Variants in SS18 observed in about 807,000 individuals in gnomAD.
SS18 encodes the protein protein SSXT.
In SS18, 28 loss-of-function variants were observed where a neutral mutation model predicts 72.5. The observed-to-expected ratio is 0.39, with a 90% CI of 0.29 to 0.53. The LOEUF (loss-of-function observed/expected upper bound fraction) is 0.53, where lower values mean the gene tolerates loss of function less well. Among genes scored for constraint, SS18 ranks in the 20% least tolerant of loss-of-function variants. The probability of loss-of-function intolerance (pLI) is 0.76; values close to 1 mark genes in which losing one functional copy is unlikely to be tolerated. For synonymous variants in SS18, 172 were observed against 164.2 expected, an observed-to-expected ratio of 1.05 and a Z score of -0.37; for missense variants, 518 against 535.3, an observed-to-expected ratio of 0.97 and a Z score of 0.32.
rs58620052 is a variant in SS18, at chr18:26,049,263, C to T, written c.607+3361G>A. Reference sequence around the variant, plus strand: ...TCTACACAATTTGCCTTTTCATACACTGAATGTACTTGTTGATTAAATAAA... The same window carrying T: ...TCTACACAATTTGCCTTTTCATACATTGAATGTACTTGTTGATTAAATAAA... On this transcript the variant is annotated intron_variant, in intron 5 of 10. Coordinates refer to ENST00000415083, the MANE Select transcript of SS18 (RefSeq NM_001007559.3). 5.6e-3 allele frequency among the ~76,000 whole-genome samples: 815 copies of T among 145,144 alleles called. 7 individuals carry two copies. The highest frequency in any genetic ancestry group is 0.022 in the African/African-American group (792 of 35,240).
rs1220218471 is a variant in SS18 at position 26,057,590 on chromosome 18, A to G, written c.384T>C (p.Pro128=). ...ATGTCTTAGAGGAGAAAAACTTACCAGGCATCTGGCCGTTCATCTGGTTCT... is the reference window on the plus strand; with the variant it reads ...ATGTCTTAGAGGAGAAAAACTTACCGGGCATCTGGCCGTTCATCTGGTTCT... ...HMQNQMNGQM[P]GPNHMPMQGP... The change falls in exon 4 of 11, where the codon CCT becomes CCC. Residue 128 remains proline (P), a splice_region_variant and synonymous_variant. Coordinates refer to ENST00000415083, the MANE Select transcript of SS18 (RefSeq NM_001007559.3). 60 of 1,613,992 alleles carry G rather than the reference A, an allele frequency of 3.7e-5. No homozygotes were observed. Among genetic ancestry groups the G allele is most frequent in the Admixed American group, 8.3e-5 (5 of 59,996 alleles).
chr18:26,026,285 T>C (rs1396393488), intron 10 of SS18, among the ~76,000 whole-genome samples: 1 of 152,092 alleles, frequency 6.6e-6, no homozygotes, highest in African/African-American at 2.4e-5. Flanking sequence ...CAACCCAATA[T>C]ATAAAAAGGA....
chr18:26,047,705 T>C (rs924202767), intron 5 of SS18, among the ~76,000 whole-genome samples: 23 of 152,160 alleles, frequency 1.5e-4, no homozygotes, highest in Non-Finnish European at 1.8e-4. Context: ...TAGCCGGGCA[T>C]GGTGGCGGGC....
In SS18 at chr18:26,035,323, T is replaced by C. The variant is rs2053609390; in HGVS notation, c.974-196A>G. The stretch of plus-strand genomic sequence containing the variant: ...AACAAACTGCAGTTAAAGCCAATTT[T>C]GCAAGGTTGAACTGCAGCATTTTCA... On this transcript the variant is annotated intron_variant, in intron 8 of 10. Coordinates refer to ENST00000415083, the MANE Select transcript of SS18 (RefSeq NM_001007559.3). This position sits in a 1 kb window ranked among gnomAD's most constrained non-coding sequence, Gnocchi z 4.4. The C allele has an allele frequency of 1.7e-6, 1 of 586,264 alleles. No homozygotes were observed. The highest frequency in any genetic ancestry group is 2.9e-6 in the Non-Finnish European group (1 of 350,574). The allele number at this position is 586,264 out of a possible 1,614,324, so 36.3% of individuals were successfully genotyped here.
At chr18:26,052,420 C>T (rs2053938265) in intron 5 of SS18, among the ~76,000 whole-genome samples, 1 of 152,118 alleles carries the variant, frequency 6.6e-6, no homozygotes, top group Non-Finnish European at 1.5e-5. Context: ...GTCCAAAAGA[C>T]ATAAAAATAA....
intron 4 of SS18, among the ~76,000 whole-genome samples, chr18:26,055,677 A>G (rs183674877): frequency 3.0e-4 from 45 of 152,088 alleles, no homozygotes; most frequent in African/African-American, 1.1e-3. Context: ...TAAAGAAAAT[A>G]TAAGTTACTG....
At position 26,035,426 on chromosome 18, in the gene SS18, AAGAC is replaced by A. The variant is rs1373627880; in HGVS notation, c.974-303_974-300del. The stretch of plus-strand genomic sequence containing the variant: ...CATGACTATGCTAAATAAAATAAAA[AAGAC>A]AAAATTAAAGACAGCTACAAGAGCA... On this transcript the variant is annotated intron_variant, in intron 8 of 10. Transcript: ENST00000415083. This position sits in a 1 kb window ranked among gnomAD's most constrained non-coding sequence, Gnocchi z 4.4. 3.0e-6 allele frequency: 1 copy of A among 329,448 alleles called. No individual in the cohort carries two copies. Among genetic ancestry groups the A allele is most frequent in the Non-Finnish European group, 5.6e-6 (1 of 178,356 alleles). 20.4% of individuals were successfully genotyped at this position (329,448 alleles called of 1,614,324 possible).
At chr18:26,049,435 T>C (rs529974814) in intron 5 of SS18, among the ~76,000 whole-genome samples, 1 of 152,222 alleles carries the variant, frequency 6.6e-6, no homozygotes, top group Non-Finnish European at 1.5e-5. Flanking sequence ...ATAGAGCTTG[T>C]TGAATTCTAG....
At chr18:26,026,091 CA>C (rs1443297544) in intron 10 of SS18, among the ~76,000 whole-genome samples, 2 of 152,116 alleles carry the variant, frequency 1.3e-5, no homozygotes, top group African/African-American at 4.8e-5. Context: ...ATTGTGAAGT[CA>C]AAAAACCTAA....
At chr18:26,047,507 A>C (rs76258766) in intron 5 of SS18, among the ~76,000 whole-genome samples, 2,187 of 152,220 alleles carry the variant, frequency 0.014, 59 homozygotes, top group African/African-American at 0.05. Flanking sequence ...GAATATTACC[A>C]TTTCAGAATC....
intron 5 of SS18, among the ~76,000 whole-genome samples, chr18:26,040,352 C>G (rs2053702283): frequency 2.0e-5 from 3 of 152,106 alleles, no homozygotes; most frequent in African/African-American, 7.2e-5. Flanking sequence ...GTTTACTGGG[C>G]CAAGTTACGG....
At chr18:26,084,507 GGTGAACAAACCATAAAGT>G (rs2054583434) in intron 2 of SS18, among the ~76,000 whole-genome samples, 1 of 152,042 alleles carries the variant, frequency 6.6e-6, no homozygotes, top group Non-Finnish European at 1.5e-5. Flanking sequence ...GCAACTTTAT[GGTGAACAAACCATAAAGT>G]TATGATACCA....
intron 3 of SS18, among the ~76,000 whole-genome samples, chr18:26,060,770 CCAAA>C (rs2054105175): frequency 1.7e-4 from 1 of 5,734 alleles, no homozygotes; most frequent in African/African-American, 3.4e-4. Flanking sequence ...ACTAAAAATA[CCAAA>C]AAAAAAAAAA....
rs112333924 is a variant in SS18, at chr18:26,035,236, T to C, written c.974-109A>G. 5 of 1,283,812 alleles carry C rather than the reference T, an allele frequency of 3.9e-6. No homozygotes were observed. Among genetic ancestry groups the C allele is most frequent in the South Asian group, 3.2e-5 (2 of 62,420 alleles). 79.5% of individuals were successfully genotyped at this position (1,283,812 alleles called of 1,614,324 possible). ...CACAAGAACAAAATGAAATGCCATA[T>C]TGATTTTTAGAAGTTAACAAAACAA... On this transcript the variant is annotated intron_variant, in intron 8 of 10. Transcript: ENST00000415083. This position sits in a 1 kb window ranked among gnomAD's most constrained non-coding sequence, Gnocchi z 4.4.
chr18:26,028,999 A>G (rs1401943256), intron 10 of SS18, among the ~76,000 whole-genome samples: 2 of 152,208 alleles, frequency 1.3e-5, no homozygotes, highest in Non-Finnish European at 2.9e-5. Context: ...TGTCTTACTT[A>G]GGTGGTCAGT....
chr18:26,079,901 C>T (rs1311909282), intron 2 of SS18, among the ~76,000 whole-genome samples: 1 of 151,934 alleles, frequency 6.6e-6, no homozygotes, highest in Non-Finnish European at 1.5e-5. Flanking sequence ...ATATTCTTTG[C>T]TACTTATTTT....
Position 26,087,536 on chromosome 18 carries a change from G to C in SS18, c.111C>G (p.Asp37Glu). The C allele has an allele frequency of 6.3e-7, 1 of 1,599,108 alleles. No individual in the cohort carries two copies. Among genetic ancestry groups the C allele is most frequent in the Non-Finnish European group, 8.5e-7 (1 of 1,170,786 alleles). Reference sequence around the variant, plus strand: ...CTGAGGTCTTTCCTTTATTCTGAGAGTCCATTATACACTGAATAAGATGGT... The same window carrying C: ...CTGAGGTCTTTCCTTTATTCTGAGACTCCATTATACACTGAATAAGATGGT... ...DNNHLIQCIM[D>E]SQNKGKTSEC... The change falls in exon 2 of 11, where the codon GAC becomes GAG. Residue 37 changes from aspartate (D) to glutamate (E), a missense_variant. Coordinates refer to ENST00000415083, the MANE Select transcript of SS18 (RefSeq NM_001007559.3).
chr18:26,090,932 T>C (rs1345027682), upstream of SS18: 5 of 330,622 alleles, frequency 1.5e-5, no homozygotes, highest in African/African-American at 6.6e-5. Context: ...AAGGAGAGGC[T>C]GGGGCAGCCC....
intron 3 of SS18, among the ~76,000 whole-genome samples, chr18:26,063,528 A>T (rs1005123699): frequency 2.6e-5 from 4 of 152,190 alleles, no homozygotes; most frequent in Admixed American, 6.5e-5. Flanking sequence ...AAAAAGAAAA[A>T]AATAATAATA....
Sources: gnomAD v4.1 joint callset for allele counts (sites outside exome capture counted in the v4.1 genomes callset) on GRCh38, gnomAD v4.1.1 for gene constraint, Gnocchi (gnomAD v3.1) non-coding constraint, MANE v1.5 for transcripts, NCBI Gene and HGNC (gene_info 2026-07-23, HGNC 2026-07-21) for gene names.